SYT1: variants seen among roughly 807,000 people sequenced by gnomAD.
The protein encoded by SYT1 is synaptotagmin-1.
SYT1 carries 8 observed loss-of-function variants against 44.8 expected under a neutral mutation model. The observed-to-expected ratio is 0.18, with a 90% CI of 0.10 to 0.32. SYT1 has a LOEUF of 0.32. Among genes scored for constraint, SYT1 ranks in the 10% least tolerant of loss-of-function variants. SYT1 has a pLI of 1.00. For synonymous variants in SYT1, 154 were observed against 188.8 expected, an observed-to-expected ratio of 0.82 and a Z score of 1.51; for missense variants, 286 against 509.3, an observed-to-expected ratio of 0.56 and a Z score of 4.22.
intron 2 of SYT1, among the ~76,000 whole-genome samples, chr12:79,044,874 G>A (rs1873887750): frequency 6.6e-6 from 1 of 152,136 alleles, no homozygotes; most frequent in Admixed American, 6.5e-5. Flanking sequence ...CAGGTCTGTT[G>A]GAGTACGCTG....
chr12:78,884,778 A>G lies in SYT1; in HGVS notation c.-217+19669A>G, dbSNP rs1016220025. On this transcript the variant is annotated intron_variant, in intron 1 of 10. Coordinates refer to ENST00000261205, the MANE Select transcript of SYT1 (RefSeq NM_005639.3). ...TGTTAAGAATGAGCTTGCACATGTT[A>G]GCTACATGTAAAATCTTTTTAAAAC... is the stretch of plus-strand genomic sequence containing the variant. 4.0e-5 allele frequency among the ~76,000 whole-genome samples: 6 copies of G among 151,886 alleles called. No homozygotes were observed. In the South Asian group the frequency reaches 1.2e-3, roughly 31 times the overall value.
chr12:78,958,387 G>T (rs1879324933), intron 1 of SYT1, among the ~76,000 whole-genome samples: 1 of 151,618 alleles, frequency 6.6e-6, no homozygotes, highest in South Asian at 2.1e-4. Context: ...TCAGGAACAG[G>T]CCAAAATCAA....
chr12:79,208,550 G>A (rs1347114902), intron 3 of SYT1, among the ~76,000 whole-genome samples: 2 of 152,212 alleles, frequency 1.3e-5, no homozygotes, highest in Admixed American at 1.3e-4. Flanking sequence ...AATGAGAAGA[G>A]AGGCAGACAG....
At chr12:79,211,779 T>C (rs1874473466) in intron 3 of SYT1, among the ~76,000 whole-genome samples, 1 of 152,096 alleles carries the variant, frequency 6.6e-6, no homozygotes, top group African/African-American at 2.4e-5. Context: ...CTCATCATTT[T>C]TTATGGCTGC....
At chr12:79,433,838 C>T (rs1226294724) in intron 9 of SYT1, among the ~76,000 whole-genome samples, 1 of 152,178 alleles carries the variant, frequency 6.6e-6, no homozygotes, top group Non-Finnish European at 1.5e-5. Flanking sequence ...ATTATACAAA[C>T]GTATTGTACT....
At chr12:79,136,990 C>G (rs1345793470) in intron 3 of SYT1, among the ~76,000 whole-genome samples, 4 of 152,004 alleles carry the variant, frequency 2.6e-5, no homozygotes, top group African/African-American at 9.7e-5. Flanking sequence ...ATATTTGTTC[C>G]AAAATACTAT....
At chr12:79,382,182 C>G (rs185733043) in intron 9 of SYT1, among the ~76,000 whole-genome samples, 9 of 152,248 alleles carry the variant, frequency 5.9e-5, no homozygotes, top group African/African-American at 1.7e-4. Flanking sequence ...AGGGAAGTGA[C>G]TAAATGGTAA....
At chr12:79,413,406 C>G (rs1270741498) in intron 9 of SYT1, among the ~76,000 whole-genome samples, 3 of 152,162 alleles carry the variant, frequency 2.0e-5, no homozygotes, top group African/African-American at 4.8e-5. Context: ...TCTGTCTGCT[C>G]AACTATTTTC....
At chr12:78,980,125 A>G (rs1308692919) in intron 2 of SYT1, among the ~76,000 whole-genome samples, 1 of 152,168 alleles carries the variant, frequency 6.6e-6, no homozygotes, top group Non-Finnish European at 1.5e-5. Flanking sequence ...CAAGTAAGAC[A>G]TGTTTGCCAA....
intron 1 of SYT1, among the ~76,000 whole-genome samples, chr12:78,950,662 G>C (rs17046092): frequency 0.17 from 25,103 of 151,960 alleles, 2,397 homozygotes; most frequent in East Asian, 0.3. Context: ...TGATTCCTTG[G>C]TCATTCCAGG....
chr12:79,257,988 A>G (rs1446232706), intron 4 of SYT1, among the ~76,000 whole-genome samples: 1 of 152,216 alleles, frequency 6.6e-6, no homozygotes, highest in Non-Finnish European at 1.5e-5. Context: ...TCTGATGCTT[A>G]GCATTTTATT....
At chr12:79,093,272 G>T (rs945190082) in intron 3 of SYT1, among the ~76,000 whole-genome samples, 2 of 151,594 alleles carry the variant, frequency 1.3e-5, no homozygotes, top group South Asian at 2.1e-4. Flanking sequence ...AAAAATAAAG[G>T]TTCGAAGCAT....
At chr12:78,947,593 T>C (rs374105784) in intron 1 of SYT1, among the ~76,000 whole-genome samples, 6 of 151,808 alleles carry the variant, frequency 4.0e-5, no homozygotes, top group South Asian at 4.1e-4. Context: ...ATGTACTAAA[T>C]TGGTGTTCCC....
Position 78,903,532 on chromosome 12 carries a change from G to A in SYT1, c.-217+38423G>A, listed in dbSNP as rs1453452136. 2.6e-5 allele frequency among the ~76,000 whole-genome samples: 4 copies of A among 151,972 alleles called. No homozygotes were observed. In the East Asian group the frequency reaches 5.8e-4, roughly 22 times the overall value. On this transcript the variant is annotated intron_variant, in intron 1 of 10. Transcript: ENST00000261205. ...GAACTACTGACTTCGTGATCTGCCC[G>A]CCTCGGCCTCCCAAAGTGCTGGGAT... is the stretch of plus-strand genomic sequence containing the variant.
chr12:79,234,145 A>C (rs527284909), intron 4 of SYT1, among the ~76,000 whole-genome samples: 34 of 152,220 alleles, frequency 2.2e-4, no homozygotes, highest in African/African-American at 8.2e-4. Context: ...GGTACTCTCC[A>C]AGCCTCTGCC....
intron 4 of SYT1, among the ~76,000 whole-genome samples, chr12:79,281,500 T>G (rs59484334): frequency 0.037 from 5,698 of 152,130 alleles, 213 homozygotes; most frequent in East Asian, 0.13. Context: ...CATGGGCATA[T>G]AGAATGGTAT....
chr12:79,303,981 A>G (rs1267768912), intron 8 of SYT1, among the ~76,000 whole-genome samples: 1 of 152,212 alleles, frequency 6.6e-6, no homozygotes, highest in African/African-American at 2.4e-5. Flanking sequence ...TAATTGTTGG[A>G]ATTTTAAACA....
intron 5 of SYT1, among the ~76,000 whole-genome samples, chr12:79,290,668 T>G (rs778032161): frequency 3.9e-5 from 6 of 152,218 alleles, no homozygotes; most frequent in Non-Finnish European, 7.3e-5. Flanking sequence ...GATTCTACAG[T>G]AATACATGCA....
intron 8 of SYT1, among the ~76,000 whole-genome samples, chr12:79,334,311 G>A (rs1881989977): frequency 1.3e-5 from 2 of 152,030 alleles, no homozygotes. Flanking sequence ...ACACTGTTAG[G>A]CAAACCGATT....
Sources: allele counts gnomAD v4.1 joint callset (sites outside exome capture counted in the v4.1 genomes callset), GRCh38; gene constraint gnomAD v4.1.1; transcripts MANE v1.5; gene names NCBI Gene and HGNC (gene_info 2026-07-23, HGNC 2026-07-21).